The following TCF20 variants were observed in gnomAD, a reference collection of about 807,000 sequenced individuals.
TCF20 encodes the protein SPRE-binding protein.
In TCF20, 3 loss-of-function variants were observed where a neutral mutation model predicts 148.6. The ratio of observed to expected loss-of-function variants is 0.02; its 90% CI spans 0.01 to 0.05. The LOEUF (loss-of-function observed/expected upper bound fraction) is 0.05. Among genes scored for constraint, TCF20 ranks in the 10% least tolerant of loss-of-function variants. TCF20 has a pLI of 1.00. For missense variants in TCF20, 2,350 were observed against 2,429.3 expected, an observed-to-expected ratio of 0.97 and a Z score of 0.69; for synonymous variants, 1,049 against 909.5, an observed-to-expected ratio of 1.15 and a Z score of -2.76.
intron 2 of TCF20, among the ~76,000 whole-genome samples, chr22:42,203,508 ATTC>A (rs1938181066): frequency 6.6e-6 from 1 of 152,210 alleles, no homozygotes; most frequent in African/African-American, 2.4e-5. Context: ...ATTTCACTTG[ATTC>A]CTTAGAATTT....
chr22:42,224,984 G>T (rs1370755064), intron 1 of TCF20, among the ~76,000 whole-genome samples: 1 of 148,032 alleles, frequency 6.8e-6, no homozygotes, highest in East Asian at 2.0e-4. Context: ...ATTAATTTTT[G>T]TGTAGGAAAT....
chr22:42,328,007 C>A (rs1173700186), intron 1 of TCF20, among the ~76,000 whole-genome samples: 5 of 152,128 alleles, frequency 3.3e-5, no homozygotes, highest in Non-Finnish European at 7.3e-5. Flanking sequence ...TCCAGGAAGC[C>A]TCCCTGACTT....
intron 1 of TCF20, among the ~76,000 whole-genome samples, chr22:42,324,169 GTGGTGATGGAGGTTA>G (rs1927823245): frequency 2.7e-5 from 4 of 150,270 alleles, no homozygotes; most frequent in South Asian, 2.1e-4. Context: ...GGTGATGGTG[GTGGTGATGGAGGTTA>G]TGGTGGTGGT....
rs369463265 is a variant in TCF20, at chr22:42,160,353, C to T, written c.*1050G>A. ...AATGGGTGTTCCTGGTCAGCTTAAC[C>T]CACTCTGATCACAGCGACAGTCCCT... On this transcript the variant is annotated 3_prime_UTR_variant, in exon 6 of 6. Coordinates refer to ENST00000677622, the MANE Select transcript of TCF20 (RefSeq NM_001378418.1). The T allele has an allele frequency of 9.0e-4, 137 of 152,606 alleles. No homozygotes were observed. The highest frequency in any genetic ancestry group is 3.2e-3 in the African/African-American group (133 of 41,508). The allele number at this position is 152,606 out of a possible 1,614,324, so 9.5% of individuals were successfully genotyped here.
intron 1 of TCF20, among the ~76,000 whole-genome samples, chr22:42,266,052 T>C (rs1322546708): frequency 1.3e-5 from 2 of 150,384 alleles, no homozygotes; most frequent in Non-Finnish European, 3.0e-5. Flanking sequence ...CACCTAAATC[T>C]AGATTTCAGG....
chr22:42,178,846 TA>T (rs1464729398), intron 3 of TCF20, among the ~76,000 whole-genome samples: 1 of 151,842 alleles, frequency 6.6e-6, no homozygotes, highest in Non-Finnish European at 1.5e-5. Flanking sequence ...AAATAATTCT[TA>T]AAACTTGACA....
Position 42,213,140 on chromosome 22 carries a change from A to G in TCF20, c.2166T>C (p.Ser722=), listed in dbSNP as rs757310616. The change falls in exon 2 of 6, where the codon AGT becomes AGC. Residue 722 remains serine (S), a synonymous_variant. Coordinates refer to ENST00000677622, the MANE Select transcript of TCF20 (RefSeq NM_001378418.1). ...SFGSAVPRNV[S]GFPQYPTGQE... Reference sequence around the variant, plus strand: ...GCCCTGTAGGATACTGAGGAAAGCCACTGACATTTCGTGGCACGGCTGACC... The same window carrying G: ...GCCCTGTAGGATACTGAGGAAAGCCGCTGACATTTCGTGGCACGGCTGACC... 2 of 1,614,060 alleles carry G rather than the reference A, an allele frequency of 1.2e-6. No homozygotes were observed. The highest frequency in any genetic ancestry group is 1.7e-6 in the Non-Finnish European group (2 of 1,180,038).
intron 1 of TCF20, among the ~76,000 whole-genome samples, chr22:42,312,543 A>G (rs1927554978): frequency 6.6e-6 from 1 of 152,128 alleles, no homozygotes; most frequent in African/African-American, 2.4e-5. Context: ...CTACCCACAA[A>G]ACCACTATGG....
chr22:42,212,410 T>C lies in TCF20; in HGVS notation c.2896A>G (p.Ser966Gly). ...GAATCATGGGTTGCTGCTCCAGGGC[T>C]GGCATTGCCGCGGTAAGACTCATGC... ...IKHESYRGNA[S>G]PGAATHDSLS... The change falls in exon 2 of 6, where the codon AGC becomes GGC. Residue 966 changes from serine (S) to glycine (G), a missense_variant. Ser to Gly is a moderately conservative substitution (Grantham distance 56). Transcript: ENST00000677622. 1.2e-6 allele frequency: 2 copies of C among 1,614,252 alleles called. No individual in the cohort carries two copies. Among genetic ancestry groups the C allele is most frequent in the South Asian group, 1.1e-5 (1 of 91,086 alleles).
chr22:42,314,380 G>A (rs1395661174), intron 1 of TCF20, among the ~76,000 whole-genome samples: 5 of 152,250 alleles, frequency 3.3e-5, no homozygotes, highest in African/African-American at 1.2e-4. Flanking sequence ...GGCTCTCAGC[G>A]AAATTGATGG....
At chr22:42,335,095 A>G (rs913501033) in intron 1 of TCF20, among the ~76,000 whole-genome samples, 1 of 152,042 alleles carries the variant, frequency 6.6e-6, no homozygotes, top group African/African-American at 2.4e-5. Context: ...ATCCGAGACC[A>G]TTCCTGCTCC....
At chr22:42,189,131 T>C (rs1937200166) in intron 2 of TCF20, among the ~76,000 whole-genome samples, 1 of 152,128 alleles carries the variant, frequency 6.6e-6, no homozygotes, top group East Asian at 1.9e-4. Context: ...GGGCCAACAA[T>C]GGCTGTTGCT....
chr22:42,328,204 C>T (rs1212363906), intron 1 of TCF20, among the ~76,000 whole-genome samples: 1 of 152,186 alleles, frequency 6.6e-6, no homozygotes, highest in Non-Finnish European at 1.5e-5. Flanking sequence ...GGGAGAACCA[C>T]ACGTCTCTAG....
At chr22:42,198,569 C>T (rs1937744429) in intron 2 of TCF20, among the ~76,000 whole-genome samples, 1 of 151,838 alleles carries the variant, frequency 6.6e-6, no homozygotes, top group African/African-American at 2.4e-5. Context: ...TATGATGTAG[C>T]TAATGCTATG....
chr22:42,197,710 G>A (rs901835515), intron 2 of TCF20, among the ~76,000 whole-genome samples: 1 of 152,180 alleles, frequency 6.6e-6, no homozygotes. Context: ...ATTTTCCAGA[G>A]AAGTGATTCA....
At chr22:42,228,911 G>A (rs1371332421) in intron 1 of TCF20, among the ~76,000 whole-genome samples, 1 of 152,164 alleles carries the variant, frequency 6.6e-6, no homozygotes, top group Non-Finnish European at 1.5e-5. Context: ...AGAGTCCACG[G>A]CTCATGAAGT....
chr22:42,303,350 G>A (rs1244848126), intron 1 of TCF20, among the ~76,000 whole-genome samples: 2 of 152,248 alleles, frequency 1.3e-5, no homozygotes, highest in African/African-American at 2.4e-5. Context: ...AGGAGACCGA[G>A]GCTCAGAGAG....
In TCF20 at chr22:42,259,720, C is replaced by T. The variant is rs1925928844; in HGVS notation, c.-37+10619G>A. ...ACTTTCAACAGCTCTCATCCTACCA[C>T]CACTATCCTCAATAATGTCACTTAA... On this transcript the variant is annotated intron_variant, in intron 1 of 5. Transcript: ENST00000677622. 1.3e-5 allele frequency among the ~76,000 whole-genome samples: 2 copies of T among 152,218 alleles called. 1 individual carries two copies. The highest frequency in any genetic ancestry group is 6.3e-3 in the Middle Eastern group (2 of 316).
chr22:42,191,242 G>A (rs574774286), intron 2 of TCF20, among the ~76,000 whole-genome samples: 1 of 152,246 alleles, frequency 6.6e-6, no homozygotes, highest in South Asian at 2.1e-4. Context: ...CACTAATGAT[G>A]TTTCTTTGTG....
Sources: allele counts gnomAD v4.1 joint callset (sites outside exome capture counted in the v4.1 genomes callset), GRCh38; gene constraint gnomAD v4.1.1; transcripts MANE v1.5; gene names NCBI Gene and HGNC (gene_info 2026-07-23, HGNC 2026-07-21).